The following DBN1 variants were observed in gnomAD, a reference collection of about 807,000 sequenced individuals.
The protein encoded by DBN1 is drebrin 1.
DBN1 carries 21 observed loss-of-function variants against 83.5 expected under a neutral mutation model. The ratio of observed to expected loss-of-function variants is 0.25; its 90% CI spans 0.18 to 0.36. DBN1 has a LOEUF of 0.36. Among genes scored for constraint, DBN1 ranks in the 10% least tolerant of loss-of-function variants. The pLI, the probability that DBN1 is intolerant of heterozygous loss-of-function variation, is 1.00. For synonymous variants in DBN1, 381 were observed against 384.9 expected (o/e 0.99, Z 0.12); for missense variants, 874 against 935.7 (o/e 0.93, Z 0.86).
chr5:177,460,743 C>T, intron 8 of DBN1, 40 bp from the exon 9 acceptor site: 3 of 1,603,796 alleles, frequency 1.9e-6, no homozygotes, highest in Non-Finnish European at 2.6e-6. Context: ...ACCTACCCCC[C>T]ACAGGGGCTT....
chr5:177,473,475 G>A lies in DBN1; in HGVS notation c.47C>T (p.Ala16Val). Reference sequence around the variant, plus strand: ...CTCCTCTCGGATCACCTCCTCGTAAGCCGCCAGCAGCTCCAGGCGGTGGCC... The same window carrying A: ...CTCCTCTCGGATCACCTCCTCGTAAACCGCCAGCAGCTCCAGGCGGTGGCC... ...FSGHRLELLA[A>V]YEEVIREESA... Residue 16 changes from alanine to valine, a missense_variant, in exon 1 of 15, where the codon GCT becomes GTT. Physicochemically the swap from Ala to Val is moderately conservative, Grantham distance 64. This residue lies in a region of DBN1 where 82 missense variants were observed against 101.7 expected (regional missense o/e 0.81). Transcript: ENST00000393565. The A allele has an allele frequency of 7.0e-7, 1 of 1,433,998 alleles. No individual in the cohort carries two copies. The highest frequency in any genetic ancestry group is 9.2e-7 in the Non-Finnish European group (1 of 1,086,822). The allele number at this position is 1,433,998 out of a possible 1,614,324, so 88.8% of individuals were successfully genotyped here.
intron 13 of DBN1, 86 bp downstream of exon 13, chr5:177,457,963 AGGGGGTACT>A: frequency 1.3e-6 from 2 of 1,535,734 alleles, no homozygotes; most frequent in Non-Finnish European, 1.8e-6. Flanking sequence ...GTCACAGAGA[AGGGGGTACT>A]GGTGCAAGCA....
chr5:177,465,556 CCA>C (rs1333232708), intron 8 of DBN1, among the ~76,000 whole-genome samples: 5 of 152,144 alleles, frequency 3.3e-5, no homozygotes, highest in Non-Finnish European at 7.4e-5. Flanking sequence ...ATGTATTTTG[CCA>C]CAGTTACATA....
At chr5:177,471,200 G>A (rs764256043) in intron 1 of DBN1, among the ~76,000 whole-genome samples, 1 of 152,068 alleles carries the variant, frequency 6.6e-6, no homozygotes, top group Non-Finnish European at 1.5e-5. Flanking sequence ...CTGAGGGCAG[G>A]TGGACCCCGC....
intron 1 of DBN1, chr5:177,472,516 TCC>T: frequency 2.5e-6 from 2 of 805,388 alleles, no homozygotes; most frequent in Non-Finnish European, 3.3e-6. Flanking sequence ...GTCCATCCCC[TCC>T]CCCAGCTCAG....
Position 177,457,664 on chromosome 5 carries a change from T to G in DBN1, c.2008A>C (p.Lys670Gln). The change falls in exon 14 of 15, where the codon AAG (lysine) becomes CAG (glutamine). Residue 670 changes from lysine (K) to glutamine (Q), a missense_variant. This residue lies in a region of DBN1 where 725 missense variants were observed against 719.7 expected (regional missense o/e 1.01). Coordinates refer to ENST00000393565, the MANE Select transcript of DBN1 (RefSeq NM_001363541.2). ...AKAPPPVFYN[K>Q]PPEIDITCWD... The stretch of plus-strand genomic sequence containing the variant: ...TCCAGCCCAGTACTACCTGGAGGCT[T>G]GTTGTAGAACACAGGAGGCGGAGCC... 1.3e-6 allele frequency: 2 copies of G among 1,599,188 alleles called. No individual in the cohort carries two copies. Among genetic ancestry groups the G allele is most frequent in the Non-Finnish European group, 1.7e-6 (2 of 1,167,556 alleles).
Position 177,457,681 on chromosome 5 carries a change from G to A in DBN1, c.1991C>T (p.Pro664Leu), listed in dbSNP as rs1211748081. 6 of 1,607,788 alleles carry A rather than the reference G, an allele frequency of 3.7e-6. No homozygotes were observed. Among genetic ancestry groups the A allele is most frequent in the Non-Finnish European group, 5.1e-6 (6 of 1,174,840 alleles). Residue 664 changes from proline (P) to leucine (L), a missense_variant, in exon 14 of 15, where the codon CCT (proline) becomes CTT (leucine). Transcript: ENST00000393565. ...QSEELCAKAP[P>L]PVFYNKPPEI... ...TGGAGGCTTGTTGTAGAACACAGGA[G>A]GCGGAGCCTTGGCACAGAGCTCTTC...
chr5:177,459,474 G>C, intron 11 of DBN1, 129 bp downstream of exon 11: 1 of 1,337,256 alleles, frequency 7.5e-7, no homozygotes, highest in Non-Finnish European at 9.9e-7. Flanking sequence ...AGGGGCAAGA[G>C]GCAGGCAGTG....
At chr5:177,460,608 T>G in intron 9 of DBN1, 36 bp downstream of exon 9, 4 of 1,614,166 alleles carry the variant, frequency 2.5e-6, no homozygotes, top group Non-Finnish European at 2.5e-6. Context: ...GAGATAGCCC[T>G]GTCTGCCTCA....
chr5:177,469,961 AAG>A (rs1319335025), intron 1 of DBN1, among the ~76,000 whole-genome samples: 1 of 152,202 alleles, frequency 6.6e-6, no homozygotes, highest in Non-Finnish European at 1.5e-5. Context: ...GGAGAAGAGA[AAG>A]AGGAGGGGAG....
In DBN1 at chr5:177,467,784, C is replaced by T. The variant is rs138000727; in HGVS notation, c.289G>A (p.Ala97Thr). The T allele has an allele frequency of 8.9e-5, 139 of 1,556,984 alleles. No individual in the cohort carries two copies. Among genetic ancestry groups the T allele is most frequent in the Non-Finnish European group, 9.8e-5 (113 of 1,150,370 alleles). ...ACCTTAGCCACGTGGCTGGCACAAG[C>T]GCACTTGCGGGCATCAGGCACATCT... ...GEDVPDARKCACASHVAKVAE... is the reference protein window; with the variant it reads ...GEDVPDARKCTCASHVAKVAE... Residue 97 changes from alanine (A) to threonine (T), a missense_variant, in exon 4 of 15, where the codon GCT becomes ACT. Coordinates refer to ENST00000393565, the MANE Select transcript of DBN1 (RefSeq NM_001363541.2). The surrounding 1 kb of genome is among the most constrained non-coding windows in gnomAD (Gnocchi z 9.1).
intron 2 of DBN1, 161 bp downstream of exon 2, chr5:177,468,683 G>C (rs1757638223): frequency 1.3e-5 from 6 of 461,124 alleles, no homozygotes; most frequent in Non-Finnish European, 1.9e-5. Flanking sequence ...CCCCACCCTG[G>C]GGACACAGGG....
intron 1 of DBN1, among the ~76,000 whole-genome samples, chr5:177,470,313 C>A (rs1254428554): frequency 6.6e-6 from 1 of 152,196 alleles, no homozygotes; most frequent in Non-Finnish European, 1.5e-5. Context: ...TCTCTCCATG[C>A]ACTGATGAGA....
chr5:177,464,436 ACT>A (rs1380111279), intron 8 of DBN1, among the ~76,000 whole-genome samples: 1 of 149,672 alleles, frequency 6.7e-6, no homozygotes, highest in East Asian at 2.0e-4. Flanking sequence ...ACAGAGCAAG[ACT>A]CTGTCTCAAA....
At position 177,468,166 on chromosome 5, in the gene DBN1, C is replaced by T. The variant is rs751016958; in HGVS notation, c.197G>A (p.Gly66Asp). The T allele has an allele frequency of 6.2e-7, 1 of 1,614,180 alleles. No homozygotes were observed. The change falls in exon 3 of 15, where the codon GGC (glycine) becomes GAC (aspartate). Residue 66 changes from glycine (G) to aspartate (D), a missense_variant. By Grantham distance (94) the Gly-to-Asp change is moderately conservative. Coordinates refer to ENST00000393565, the MANE Select transcript of DBN1 (RefSeq NM_001363541.2). ...TTGGGAGTCCTTGACACTGCAGAAG[C>T]CGTACATCACCTTCTGGTTCTCAAA... ...GHFENQKVMY[G>D]FCSVKDSQAA...
chr5:177,464,629 A>AT (rs1482681316), intron 8 of DBN1, among the ~76,000 whole-genome samples: 17 of 149,210 alleles, frequency 1.1e-4, no homozygotes, highest in Non-Finnish European at 2.2e-4. Flanking sequence ...AAATAAATAA[A>AT]TAAATAAATA....
At chr5:177,457,599 C>T in intron 14 of DBN1, 56 bp downstream of exon 14, 1 of 1,525,420 alleles carries the variant, frequency 6.6e-7, no homozygotes, top group Non-Finnish European at 9.1e-7. Flanking sequence ...TGGCTACCCA[C>T]ACTCAAATCC....
chr5:177,460,386 G>T, intron 10 of DBN1, 46 bp downstream of exon 10: 2 of 1,611,558 alleles, frequency 1.2e-6, no homozygotes, highest in South Asian at 1.1e-5. Context: ...GCTCAGGGCC[G>T]CAACCTGAGG....
chr5:177,465,912 C>CGTTCTCCACCAT (rs1376016108), intron 8 of DBN1, among the ~76,000 whole-genome samples: 1 of 151,354 alleles, frequency 6.6e-6, no homozygotes, highest in Non-Finnish European at 1.5e-5. Flanking sequence ...TTACCCAGCT[C>CGTTCTCCACCAT]GTTCTCCACC....
Sources: gnomAD v4.1 joint callset for allele counts (sites outside exome capture counted in the v4.1 genomes callset) on GRCh38, gnomAD v4.1.1 for gene constraint, gnomAD v4.1.1 regional missense constraint, Gnocchi (gnomAD v3.1) non-coding constraint, MANE v1.5 for transcripts, NCBI Gene and HGNC (gene_info 2026-07-23, HGNC 2026-07-21) for gene names.